Variants in ANKS1B observed in about 807,000 individuals in gnomAD.
ANKS1B encodes ankyrin repeat and sterile alpha motif domain containing 1B, also known as ankyrin repeat and sterile alpha motif domain-containing protein 1B.
A neutral mutation model predicts 148.3 loss-of-function variants in ANKS1B; 36 were observed. The observed-to-expected ratio is 0.24, with a 90% CI of 0.19 to 0.32. The LOEUF (loss-of-function observed/expected upper bound fraction) is 0.32, where lower values mean the gene tolerates loss of function less well. ANKS1B is among the 10% of genes least tolerant of loss of function. The pLI, the probability that ANKS1B is intolerant of heterozygous loss-of-function variation, is 1.00. For synonymous variants in ANKS1B, 542 were observed against 560.8 expected, an observed-to-expected ratio of 0.97 and a Z score of 0.47; for missense variants, 1,157 against 1,542.6, an observed-to-expected ratio of 0.75 and a Z score of 4.19.
chr12:98,770,580 A>T (rs1382176049), intron 25 of ANKS1B, among the ~76,000 whole-genome samples: 1 of 151,368 alleles, frequency 6.6e-6, no homozygotes, highest in African/African-American at 2.4e-5. Context: ...CTACTTTTAT[A>T]TCACTCTCCT....
intron 19 of ANKS1B, among the ~76,000 whole-genome samples, chr12:98,821,135 G>A (rs1404437018): frequency 2.6e-5 from 4 of 152,188 alleles, no homozygotes; most frequent in Non-Finnish European, 5.9e-5. Flanking sequence ...GCTAAGAAGC[G>A]TGTCCAAGGT....
intron 25 of ANKS1B, among the ~76,000 whole-genome samples, chr12:98,757,643 G>A (rs550685102): frequency 6.6e-6 from 1 of 152,314 alleles, no homozygotes; most frequent in East Asian, 1.9e-4. Flanking sequence ...AAACCACTGT[G>A]CTGCAGTGAA....
At chr12:99,566,796 A>T (rs1446484747) in intron 9 of ANKS1B, among the ~76,000 whole-genome samples, 3 of 152,268 alleles carry the variant, frequency 2.0e-5, no homozygotes, top group South Asian at 4.1e-4. Context: ...CTAAATAAAC[A>T]TCTATTGCTT....
chr12:99,330,681 A>G (rs2087342358), intron 12 of ANKS1B, among the ~76,000 whole-genome samples: 1 of 151,972 alleles, frequency 6.6e-6, no homozygotes, highest in African/African-American at 2.4e-5. Context: ...TCAGAAAATA[A>G]ATGCATAATT....
chr12:99,292,237 A>C (rs1196609294), intron 12 of ANKS1B, among the ~76,000 whole-genome samples: 1 of 152,068 alleles, frequency 6.6e-6, no homozygotes, highest in East Asian at 1.9e-4. Context: ...TCACGCCTGT[A>C]ATCCCAGCAC....
chr12:99,139,703 A>C (rs2069902373), intron 15 of ANKS1B, among the ~76,000 whole-genome samples: 1 of 151,820 alleles, frequency 6.6e-6, no homozygotes, highest in Non-Finnish European at 1.5e-5. Context: ...TGCTAGTCTT[A>C]GCTCCCTGAG....
At chr12:99,534,429 T>C (rs1288588007) in intron 9 of ANKS1B, among the ~76,000 whole-genome samples, 1 of 152,198 alleles carries the variant, frequency 6.6e-6, no homozygotes, top group African/African-American at 2.4e-5. Flanking sequence ...TGAAAGTTAC[T>C]TGAAAAATAA....
At chr12:99,157,285 C>A (rs2076165731) in intron 14 of ANKS1B, among the ~76,000 whole-genome samples, 1 of 152,202 alleles carries the variant, frequency 6.6e-6, no homozygotes, top group Non-Finnish European at 1.5e-5. Context: ...CCTAGGATCA[C>A]AGCCACAGTG....
chr12:99,519,544 C>A (rs960547510), intron 9 of ANKS1B, among the ~76,000 whole-genome samples: 2 of 151,974 alleles, frequency 1.3e-5, no homozygotes, highest in Non-Finnish European at 2.9e-5. Context: ...TATAGCTATT[C>A]CTATTCTTTT....
chr12:99,628,594 A>C (rs1500656), intron 9 of ANKS1B, among the ~76,000 whole-genome samples: 41,918 of 152,098 alleles, frequency 0.28, 6,979 homozygotes, highest in East Asian at 0.39. Flanking sequence ...TATTGCCTTA[A>C]TCTGTTTTGT....
chr12:99,728,221 T>C (rs746054249), intron 8 of ANKS1B, among the ~76,000 whole-genome samples: 4 of 152,046 alleles, frequency 2.6e-5, no homozygotes, highest in Non-Finnish European at 4.4e-5. Context: ...GTTTTTGCCA[T>C]CTACCCATTT....
At chr12:99,948,582 G>T (rs2095133432) in intron 1 of ANKS1B, among the ~76,000 whole-genome samples, 1 of 152,138 alleles carries the variant, frequency 6.6e-6, no homozygotes, top group Non-Finnish European at 1.5e-5. Context: ...ATTAAACACT[G>T]CTGACCATCT....
At chr12:99,563,089 CT>C (rs886073811) in intron 9 of ANKS1B, among the ~76,000 whole-genome samples, 1 of 152,122 alleles carries the variant, frequency 6.6e-6, no homozygotes, top group Non-Finnish European at 1.5e-5. Flanking sequence ...TCTTTATTAG[CT>C]TTTGGCTTAA....
At chr12:99,270,726 T>C (rs1566779166) in intron 12 of ANKS1B, among the ~76,000 whole-genome samples, 2 of 152,232 alleles carry the variant, frequency 1.3e-5, no homozygotes, top group Admixed American at 1.3e-4. Context: ...GTAATTCAAA[T>C]CTAATGATGT....
At chr12:99,139,139 C>A (rs911680409) in intron 15 of ANKS1B, among the ~76,000 whole-genome samples, 4 of 151,532 alleles carry the variant, frequency 2.6e-5, no homozygotes. Flanking sequence ...GCTGCTGGGA[C>A]TATAGGCCAC....
intron 2 of ANKS1B, among the ~76,000 whole-genome samples, chr12:99,820,206 C>T (rs115195717): frequency 0.01 from 1,569 of 151,856 alleles, 22 homozygotes; most frequent in South Asian, 0.056. Flanking sequence ...AGTACATTTT[C>T]CATTGTGTCC....
chr12:99,509,259 C>A (rs1257356984), intron 9 of ANKS1B, among the ~76,000 whole-genome samples: 1 of 151,658 alleles, frequency 6.6e-6, no homozygotes, highest in Non-Finnish European at 1.5e-5. Flanking sequence ...AGTTCAAATT[C>A]AAGAAGAGTC....
At chr12:99,389,891 G>C (rs2093999777) in intron 12 of ANKS1B, among the ~76,000 whole-genome samples, 1 of 152,178 alleles carries the variant, frequency 6.6e-6, no homozygotes, top group Non-Finnish European at 1.5e-5. Context: ...GACTCTGGCT[G>C]TCCCCAGCAG....
At chr12:98,888,943 T>C (rs2099746247) in intron 17 of ANKS1B, among the ~76,000 whole-genome samples, 1 of 152,250 alleles carries the variant, frequency 6.6e-6, no homozygotes, top group South Asian at 2.1e-4. Context: ...TTATATCTCC[T>C]GCTCAAAGAA....
Sources: allele counts gnomAD v4.1 joint callset (sites outside exome capture counted in the v4.1 genomes callset), GRCh38; gene constraint gnomAD v4.1.1; transcripts MANE v1.5; gene names NCBI Gene and HGNC (gene_info 2026-07-23, HGNC 2026-07-21).